Variants in PRH1 observed in about 807,000 individuals in gnomAD.
PRH1 encodes the protein salivary acidic proline-rich phosphoprotein 1/2.
A neutral mutation model predicts 7.9 loss-of-function variants in PRH1; 7 were observed. That is an observed-to-expected ratio of 0.89 (90% confidence interval 0.50 to 1.67). PRH1 has a LOEUF of 1.67. Among genes scored for constraint, PRH1 ranks in the 40% most tolerant of loss-of-function variants. The pLI is 0.00. For missense variants in PRH1, 109 were observed against 223.6 expected (o/e 0.49, Z 3.27); for synonymous variants, 45 against 80.8 (o/e 0.56, Z 2.38).
chr12:11,044,657 AAAG>A (rs745346845), intron 1 of PRH1, among the ~76,000 whole-genome samples: 1 of 152,206 alleles, frequency 6.6e-6, no homozygotes, highest in African/African-American at 2.4e-5. Flanking sequence ...GCATTTCTCA[AAAG>A]AAGATATACA....
chr12:10,911,590 G>A (rs1039355445), intron 2 of PRH1, among the ~76,000 whole-genome samples: 1 of 152,136 alleles, frequency 6.6e-6, no homozygotes, highest in African/African-American at 2.4e-5. Flanking sequence ...GTTTGCCAAC[G>A]TTGTGTTAGG....
At chr12:11,168,292 GA>G (rs1286195458) in intron 1 of PRH1, among the ~76,000 whole-genome samples, 13 of 33,528 alleles carry the variant, frequency 3.9e-4, no homozygotes, top group South Asian at 1.4e-3. Flanking sequence ...AAGAAAGAAA[GA>G]AAGAAAGAAG....
intron 1 of PRH1, among the ~76,000 whole-genome samples, chr12:11,029,308 G>C (rs796437188): frequency 7.3e-6 from 1 of 136,808 alleles, no homozygotes; most frequent in Non-Finnish European, 1.6e-5. Context: ...CATCATTGAT[G>C]ACAAAATTAC....
chr12:10,998,741 A>G (rs1940429649), intron 1 of PRH1, among the ~76,000 whole-genome samples: 1 of 152,134 alleles, frequency 6.6e-6, no homozygotes. Context: ...AAGCTTGTAA[A>G]CATTCCTGAG....
intron 2 of PRH1, among the ~76,000 whole-genome samples, chr12:10,959,184 A>T (rs1450273462): frequency 6.6e-6 from 1 of 152,248 alleles, no homozygotes; most frequent in East Asian, 1.9e-4. Context: ...TAGTCTAAGC[A>T]TCTGAAAGTC....
At chr12:10,948,010 T>C (rs1341081609) in intron 2 of PRH1, among the ~76,000 whole-genome samples, 2 of 152,184 alleles carry the variant, frequency 1.3e-5, no homozygotes, top group Non-Finnish European at 2.9e-5. Context: ...GTTACCGTGA[T>C]AGAAATCCCT....
intron 1 of PRH1, among the ~76,000 whole-genome samples, chr12:11,054,888 T>TCACTGCAAGCTCC (rs1565599963): frequency 4.5e-4 from 60 of 133,320 alleles, no homozygotes; most frequent in East Asian, 1.8e-3. Context: ...CTGCAAGCTC[T>TCACTGCAAGCTCC]GCCTCACTGC....
intron 1 of PRH1, among the ~76,000 whole-genome samples, chr12:11,155,055 A>C (rs988737720): frequency 9.2e-5 from 14 of 152,364 alleles, no homozygotes; most frequent in Admixed American, 7.8e-4. Context: ...TCCTTCATAC[A>C]TGTGGGCACA....
chr12:11,150,092 G>A (rs996633855), intron 1 of PRH1, among the ~76,000 whole-genome samples: 5 of 150,720 alleles, frequency 3.3e-5, no homozygotes, highest in African/African-American at 1.2e-4. Flanking sequence ...CTGGCCATCA[G>A]AGAAATGCAA....
In PRH1 at chr12:10,939,080, G is replaced by A. The variant is rs375585680; in HGVS notation, c.-59+34575C>T. 1.1e-5 allele frequency: 18 copies of A among 1,613,832 alleles called. No individual in the cohort carries two copies. The African/African-American group carries it at 1.6e-4, about 14-fold the overall frequency. ...CAAAGCAGTGAGGATCCGATCAACC[G>A]AAGAGATCTTTCTTCCCTTGACCCA... On this transcript the variant is annotated intron_variant, in intron 2 of 3. Coordinates refer to the PRH1 transcript ENST00000539853.
chr12:11,092,237 CA>C, intron 1 of PRH1: 1 of 1,272,374 alleles, frequency 7.9e-7, no homozygotes, highest in South Asian at 1.2e-5. Context: ...CATGTCTGAA[CA>C]GACAAAAAAA....
At chr12:10,923,540 AAT>A (rs1214287995) in intron 2 of PRH1, among the ~76,000 whole-genome samples, 1 of 152,268 alleles carries the variant, frequency 6.6e-6, no homozygotes, top group Non-Finnish European at 1.5e-5. Context: ...AAATATGACA[AAT>A]ATAAACAAGC....
At chr12:11,029,802 T>C (rs1159957235) in intron 1 of PRH1, among the ~76,000 whole-genome samples, 3 of 152,042 alleles carry the variant, frequency 2.0e-5, no homozygotes, top group Non-Finnish European at 4.4e-5. Flanking sequence ...TCACTCAAAT[T>C]CTACTGTGTG....
chr12:10,978,125 GAA>G (rs1305726967), intron 1 of PRH1, among the ~76,000 whole-genome samples: 1 of 146,918 alleles, frequency 6.8e-6, no homozygotes, highest in Non-Finnish European at 1.5e-5. Context: ...CAATCCCAAG[GAA>G]AAAGAACAAG....
chr12:11,107,838 G>C (rs1945469304), intron 1 of PRH1, among the ~76,000 whole-genome samples: 1 of 152,164 alleles, frequency 6.6e-6, no homozygotes, highest in African/African-American at 2.4e-5. Context: ...AATTGAAGAA[G>C]ACTACCTCAA....
At chr12:11,023,165 A>C (rs1183107927) in intron 1 of PRH1, among the ~76,000 whole-genome samples, 1 of 152,204 alleles carries the variant, frequency 6.6e-6, no homozygotes, top group African/African-American at 2.4e-5. Context: ...AGGCTGATAC[A>C]CTTTAAAATC....
rs906712851 is a variant in PRH1, at chr12:11,155,196, A to G, written n.39+16226T>C. On this transcript the variant is annotated intron_variant and non_coding_transcript_variant, in intron 1 of 1. Coordinates refer to the PRH1 transcript ENST00000541175. ...TTGATTACATGCAAATAGGAGAAAAAGTAACTTGCACTGATTTGCAATTTT... is the reference window on the plus strand; with the variant it reads ...TTGATTACATGCAAATAGGAGAAAAGGTAACTTGCACTGATTTGCAATTTT... Among the ~76,000 whole-genome samples, 4 of 152,344 alleles carry G rather than the reference A, an allele frequency of 2.6e-5. No homozygotes were observed. In the East Asian group the frequency reaches 7.7e-4, roughly 29 times the overall value.
chr12:11,143,361 G>T (rs150819321), intron 1 of PRH1, among the ~76,000 whole-genome samples: 2,286 of 152,060 alleles, frequency 0.015, 30 homozygotes, highest in Non-Finnish European at 0.025. Context: ...TAATACAATG[G>T]ATACACACAA....
chr12:11,119,125 T>C (rs998096468), downstream of PRH1, among the ~76,000 whole-genome samples: 11 of 152,090 alleles, frequency 7.2e-5, no homozygotes, highest in Non-Finnish European at 1.5e-4. Flanking sequence ...GAGATTATTA[T>C]GTTAAGTTGA....
Sources: allele counts gnomAD v4.1 joint callset (sites outside exome capture counted in the v4.1 genomes callset), GRCh38; gene constraint gnomAD v4.1.1; transcripts MANE v1.5; gene names NCBI Gene and HGNC (gene_info 2026-07-23, HGNC 2026-07-21).